CNTNAP3B: variants seen among roughly 807,000 people sequenced by gnomAD.
CNTNAP3B encodes contactin-associated protein-like 3B.
A neutral mutation model predicts 108.9 loss-of-function variants in CNTNAP3B; 25 were observed. The ratio of observed to expected loss-of-function variants is 0.23; its 90% CI spans 0.17 to 0.32. The LOEUF (loss-of-function observed/expected upper bound fraction) is 0.32, where lower values mean the gene tolerates loss of function less well. Among genes scored for constraint, CNTNAP3B ranks in the 10% least tolerant of loss-of-function variants. The probability of loss-of-function intolerance (pLI) is 1.00; values close to 1 mark genes in which losing one functional copy is unlikely to be tolerated. For synonymous variants in CNTNAP3B, 103 were observed against 473.4 expected (o/e 0.22, Z 10.16); for missense variants, 252 against 1,210.4 (o/e 0.21, Z 11.75).
At chr9:41,954,627 C>A (rs1167533106) in intron 12 of CNTNAP3B, among the ~76,000 whole-genome samples, 3 of 152,286 alleles carry the variant, frequency 2.0e-5, no homozygotes, top group African/African-American at 7.2e-5. Context: ...ATGGTAATTT[C>A]AATTCCATGG....
At chr9:42,097,144 A>T (rs1425409802) in intron 2 of CNTNAP3B, among the ~76,000 whole-genome samples, 1 of 140,130 alleles carries the variant, frequency 7.1e-6, no homozygotes, top group African/African-American at 2.8e-5. Flanking sequence ...AAATTCACCA[A>T]GTTCACATTG....
intron 2 of CNTNAP3B, among the ~76,000 whole-genome samples, chr9:42,097,821 A>G (rs1215052495): frequency 7.3e-6 from 1 of 137,118 alleles, no homozygotes; most frequent in African/African-American, 2.9e-5. Flanking sequence ...ATAAGAAGAG[A>G]ATAGCACTTT....
intron 3 of CNTNAP3B, among the ~76,000 whole-genome samples, chr9:42,074,666 C>T (rs1384282466): frequency 1.4e-5 from 2 of 144,166 alleles, no homozygotes; most frequent in Non-Finnish European, 3.0e-5. Context: ...AGCCCTATCC[C>T]CAAAAACCTT....
At chr9:41,926,095 T>C (rs1412277097) in intron 15 of CNTNAP3B, among the ~76,000 whole-genome samples, 85 of 152,380 alleles carry the variant, frequency 5.6e-4, no homozygotes, top group African/African-American at 2.0e-3. Context: ...CTATTATGTA[T>C]ATTAAAATCC....
intron 4 of CNTNAP3B, among the ~76,000 whole-genome samples, chr9:41,999,764 A>T (rs1276886172): frequency 2.0e-5 from 1 of 49,234 alleles, no homozygotes; most frequent in Non-Finnish European, 3.7e-5. Flanking sequence ...TTATAAATTC[A>T]CTATAAATGT....
At chr9:42,001,880 A>T (rs1223938101) in intron 4 of CNTNAP3B, among the ~76,000 whole-genome samples, 1 of 130,626 alleles carries the variant, frequency 7.7e-6, no homozygotes, top group African/African-American at 3.1e-5. Context: ...AGTACACTAG[A>T]GTATATACTG....
Position 42,094,369 on chromosome 9 carries a change from C to T in CNTNAP3B, c.196+10260G>A, listed in dbSNP as rs181492702. On this transcript the variant is annotated intron_variant, in intron 2 of 23. Transcript: ENST00000377561. ...ATTTAAAAAAAAAAAACAAAGAGGGCGGGGGCTGGGTATGGTGGCTCAGGC... is the reference window on the plus strand; with the variant it reads ...ATTTAAAAAAAAAAAACAAAGAGGGTGGGGGCTGGGTATGGTGGCTCAGGC... Among the ~76,000 whole-genome samples the T allele has an allele frequency of 3.4e-3, 442 of 129,942 alleles. 31 individuals carry two copies. Among genetic ancestry groups the T allele is most frequent in the African/African-American group, 0.013 (402 of 31,758 alleles). The allele number at this position is 129,942 out of a possible 152,430, so 85.2% of individuals were successfully genotyped here.
At chr9:42,007,535 T>C (rs931444594) in intron 4 of CNTNAP3B, among the ~76,000 whole-genome samples, 4 of 103,602 alleles carry the variant, frequency 3.9e-5, no homozygotes, top group Admixed American at 1.1e-4. Flanking sequence ...ATGTCAGTAA[T>C]TACATTTAAT....
At chr9:41,968,063 A>T (rs1428179979) in intron 10 of CNTNAP3B, among the ~76,000 whole-genome samples, 2 of 152,264 alleles carry the variant, frequency 1.3e-5, no homozygotes, top group African/African-American at 4.8e-5. Context: ...TATAACAGTA[A>T]AAACAATAGT....
chr9:42,018,646 C>G (rs1480155091), intron 3 of CNTNAP3B, among the ~76,000 whole-genome samples: 1 of 151,666 alleles, frequency 6.6e-6, no homozygotes, highest in Non-Finnish European at 1.5e-5. Context: ...TGTGAGGCCA[C>G]GGCTCCAGCA....
In CNTNAP3B at chr9:41,968,387, C is replaced by T. The variant is rs571629541; in HGVS notation, c.1649+1687G>A. 2.1e-4 allele frequency among the ~76,000 whole-genome samples: 30 copies of T among 140,082 alleles called. 4 individuals are homozygous for T. The South Asian group carries it at 2.3e-3, about 11-fold the overall frequency. 91.9% of individuals were successfully genotyped at this position (140,082 alleles called of 152,430 possible). The stretch of plus-strand genomic sequence containing the variant: ...AGTGAGCAAATGGCCAGAAACCTTC[C>T]CAACTACCCTTCCCACGACTACAGA... On this transcript the variant is annotated intron_variant, in intron 10 of 23. Coordinates refer to ENST00000377561, the MANE Select transcript of CNTNAP3B (RefSeq NM_001201380.3).
rs1433421830 is a variant in CNTNAP3B, at chr9:42,041,259, C to T, written c.391-27734G>A. ...AATGGGATCTAATTAAACTAAAGAG[C>T]TTCTGCATAGTAAAAGAAACTACCA... is the stretch of plus-strand genomic sequence containing the variant. On this transcript the variant is annotated intron_variant, in intron 3 of 23. Transcript: ENST00000377561. Among the ~76,000 whole-genome samples the T allele has an allele frequency of 4.3e-5, 6 of 139,064 alleles. 2 individuals carry two copies. The highest frequency in any genetic ancestry group is 9.3e-5 in the Non-Finnish European group (6 of 64,728). 91.2% of individuals were successfully genotyped at this position (139,064 alleles called of 152,430 possible). A position where few individuals can be genotyped will look rare whatever the true frequency, so the allele number is the denominator to read the frequency against.
At chr9:41,939,534 G>A (rs900258794) in intron 13 of CNTNAP3B, among the ~76,000 whole-genome samples, 4 of 152,278 alleles carry the variant, frequency 2.6e-5, no homozygotes, top group African/African-American at 9.6e-5. Context: ...GGCAATCTGG[G>A]AAAATTTAAA....
intron 10 of CNTNAP3B, among the ~76,000 whole-genome samples, chr9:41,966,796 T>C (rs1825292497): frequency 6.6e-6 from 1 of 151,246 alleles, no homozygotes; most frequent in South Asian, 2.1e-4. Context: ...TGAAACCCCG[T>C]CTTTACTAAA....
intron 3 of CNTNAP3B, among the ~76,000 whole-genome samples, chr9:42,043,356 C>T (rs1826805756): frequency 1.1e-5 from 1 of 93,380 alleles, no homozygotes; most frequent in Non-Finnish European, 2.2e-5. Context: ...TTAGTAGAGA[C>T]TGGGTTTCAC....
In CNTNAP3B at chr9:42,030,811, GAGGAGAGAGAGAGA is replaced by G. The variant is rs1158618787; in HGVS notation, c.391-17300_391-17287del. The stretch of plus-strand genomic sequence containing the variant: ...TGTGTGCGAGAGAGAGAGAGAGAGA[GAGGAGAGAGAGAGA>G]GAGAGAGAGAGAGAGAGAGAGATGT... On this transcript the variant is annotated intron_variant, in intron 3 of 23. Transcript: ENST00000377561. Among the ~76,000 whole-genome samples, 22 of 73,892 alleles carry G rather than the reference GAGGAGAGAGAGAGA, an allele frequency of 3.0e-4. 2 individuals carry two copies. Among genetic ancestry groups the G allele is most frequent in the Non-Finnish European group, 5.4e-4 (20 of 36,754 alleles). The allele number at this position is 73,892 out of a possible 152,430, so 48.5% of individuals were successfully genotyped here. A position where few individuals can be genotyped will look rare whatever the true frequency, so the allele number is the denominator to read the frequency against.
intron 12 of CNTNAP3B, among the ~76,000 whole-genome samples, chr9:41,957,881 C>T (rs1309760043): frequency 1.3e-5 from 2 of 152,248 alleles, no homozygotes; most frequent in African/African-American, 4.8e-5. Flanking sequence ...CCTTCTCAGC[C>T]TCCCGAGTAG....
At chr9:41,927,797 G>A (rs1323994244) in intron 15 of CNTNAP3B, among the ~76,000 whole-genome samples, 1 of 152,152 alleles carries the variant, frequency 6.6e-6, no homozygotes, top group Non-Finnish European at 1.5e-5. Context: ...GGAGAACACA[G>A]CTGATAACAA....
intron 14 of CNTNAP3B, among the ~76,000 whole-genome samples, chr9:41,937,114 T>TTTTTTATTATTATTATTA (rs762179814): frequency 7.1e-6 from 1 of 141,440 alleles, no homozygotes; most frequent in African/African-American, 2.7e-5. Context: ...TATTTATTAA[T>TTTTTTATTATTATTATTA]TTATTATTAT....
Sources: allele counts gnomAD v4.1 joint callset (sites outside exome capture counted in the v4.1 genomes callset), GRCh38; gene constraint gnomAD v4.1.1; transcripts MANE v1.5; gene names NCBI Gene and HGNC (gene_info 2026-07-23, HGNC 2026-07-21).